Variants in AP2B1 observed in about 807,000 individuals in gnomAD.
AP2B1 encodes the protein adaptor related protein complex 2 subunit beta 1.
A neutral mutation model predicts 102.0 loss-of-function variants in AP2B1; 23 were observed. That is an observed-to-expected ratio of 0.23 (90% CI 0.16 to 0.32). The LOEUF (loss-of-function observed/expected upper bound fraction) is 0.32, where lower values mean the gene tolerates loss of function less well. Among genes scored for constraint, AP2B1 ranks in the 10% least tolerant of loss-of-function variants. The pLI is 1.00. For missense variants in AP2B1, 541 were observed against 1,157.4 expected, an observed-to-expected ratio of 0.47 and a Z score of 7.73; for synonymous variants, 381 against 421.2, an observed-to-expected ratio of 0.90 and a Z score of 1.17.
At position 35,724,643 on chromosome 17, in the gene AP2B1, C is replaced by T. The variant is rs933341954; in HGVS notation, c.*944C>T. The stretch of plus-strand genomic sequence containing the variant: ...ACAGAGTAATAACTTATCTAACCCT[C>T]TTTTCCTACAAAGGAGAAAGATAAA... On this transcript the variant is annotated 3_prime_UTR_variant, in exon 22 of 22. Transcript: ENST00000610402. 1.3e-5 allele frequency: 2 copies of T among 152,174 alleles called. No individual in the cohort carries two copies. Among genetic ancestry groups the T allele is most frequent in the Non-Finnish European group, 2.9e-5 (2 of 68,024 alleles). The allele number at this position is 152,174 out of a possible 1,614,324, so 9.4% of individuals were successfully genotyped here.
chr17:35,609,099 A>T (rs1357543484), intron 5 of AP2B1, among the ~76,000 whole-genome samples: 1 of 152,226 alleles, frequency 6.6e-6, no homozygotes, highest in Non-Finnish European at 1.5e-5. Flanking sequence ...TTTTGGTCTA[A>T]TGCAATGTTT....
At chr17:35,687,710 CT>C (rs2142996467) in intron 18 of AP2B1, among the ~76,000 whole-genome samples, 1 of 152,002 alleles carries the variant, frequency 6.6e-6, no homozygotes, top group Admixed American at 6.6e-5. Context: ...GTCACCACGC[CT>C]AGCTAATTTT....
chr17:35,642,945 G>A (rs2074823580), intron 12 of AP2B1, among the ~76,000 whole-genome samples: 1 of 151,626 alleles, frequency 6.6e-6, no homozygotes, highest in African/African-American at 2.4e-5. Flanking sequence ...ATTGAATTGA[G>A]CATTCTAATT....
chr17:35,702,474 AAGG>A (rs200564103), intron 18 of AP2B1, among the ~76,000 whole-genome samples: 1,597 of 152,320 alleles, frequency 0.01, 13 homozygotes, highest in Middle Eastern at 0.054. Flanking sequence ...TAGAGCTAGC[AAGG>A]AGGAGAGTAT....
At chr17:35,718,767 G>GTT (rs200713126) in intron 21 of AP2B1, among the ~76,000 whole-genome samples, 35 of 143,430 alleles carry the variant, frequency 2.4e-4, no homozygotes, top group African/African-American at 6.1e-4. Context: ...GGTGTGTGTG[G>GTT]TTTTTTTTTT....
intron 18 of AP2B1, among the ~76,000 whole-genome samples, chr17:35,693,030 G>A (rs71381467): frequency 0.073 from 11,040 of 151,688 alleles, 459 homozygotes; most frequent in Middle Eastern, 0.11. Context: ...GGGGAGGGGC[G>A]GTAAATTGGA....
intron 12 of AP2B1, among the ~76,000 whole-genome samples, chr17:35,645,770 A>AT (rs1598159109): frequency 2.6e-5 from 4 of 152,128 alleles, no homozygotes; most frequent in South Asian, 4.2e-4. Flanking sequence ...AATCACTTGA[A>AT]CCCGGGAGGC....
chr17:35,718,690 GA>G (rs1232680775), intron 21 of AP2B1, among the ~76,000 whole-genome samples: 1 of 150,170 alleles, frequency 6.7e-6, no homozygotes, highest in South Asian at 2.1e-4. Context: ...TCAATTGGAA[GA>G]AAAAAAGGGT....
chr17:35,643,187 A>C (rs962638758), intron 12 of AP2B1, among the ~76,000 whole-genome samples: 9 of 152,108 alleles, frequency 5.9e-5, no homozygotes, highest in Admixed American at 5.9e-4. Flanking sequence ...GCTAAAAAAA[A>C]AAAATCACAA....
chr17:35,687,622 A>G (rs1369084973), intron 18 of AP2B1, among the ~76,000 whole-genome samples: 1 of 152,066 alleles, frequency 6.6e-6, no homozygotes, highest in East Asian at 1.9e-4. Flanking sequence ...ATCATGGCTC[A>G]TTGCAGCCTC....
At chr17:35,707,077 CTT>C in intron 18 of AP2B1, among the ~76,000 whole-genome samples, 1 of 152,324 alleles carries the variant, frequency 6.6e-6, no homozygotes, top group East Asian at 1.9e-4. Flanking sequence ...AGAAAATACT[CTT>C]TCCCGGAAGC....
intron 4 of AP2B1, among the ~76,000 whole-genome samples, chr17:35,607,162 C>A (rs917292025): frequency 6.6e-6 from 1 of 152,158 alleles, no homozygotes; most frequent in Non-Finnish European, 1.5e-5. Context: ...ACCTTGGCCT[C>A]TCAAAGTGCT....
At chr17:35,626,941 T>C (rs2142571396) in intron 7 of AP2B1, 99 bp downstream of exon 7, 4 of 1,176,344 alleles carry the variant, frequency 3.4e-6, no homozygotes, top group Middle Eastern at 2.3e-4. Flanking sequence ...CTTTTTAATA[T>C]ATGGAAATGA....
chr17:35,688,920 C>T (rs949956125), intron 18 of AP2B1, among the ~76,000 whole-genome samples: 2 of 151,976 alleles, frequency 1.3e-5, no homozygotes, highest in East Asian at 1.9e-4. Flanking sequence ...GTTGAGATTA[C>T]GCCACTGCAC....
chr17:35,697,326 G>A (rs2076159946), intron 18 of AP2B1, among the ~76,000 whole-genome samples: 1 of 152,186 alleles, frequency 6.6e-6, no homozygotes, highest in Non-Finnish European at 1.5e-5. Context: ...TGTTAACTGT[G>A]CTCACATTTT....
intron 6 of AP2B1, among the ~76,000 whole-genome samples, chr17:35,625,824 G>A (rs1352434775): frequency 6.6e-6 from 1 of 152,030 alleles, no homozygotes; most frequent in African/African-American, 2.4e-5. Flanking sequence ...TGAGAAGGTG[G>A]CATTCATATA....
chr17:35,663,974 A>T (rs572286048), intron 14 of AP2B1, among the ~76,000 whole-genome samples: 1 of 152,126 alleles, frequency 6.6e-6, no homozygotes, highest in Non-Finnish European at 1.5e-5. Flanking sequence ...GGTCACTGCA[A>T]CCTTGAGCTC....
intron 18 of AP2B1, among the ~76,000 whole-genome samples, chr17:35,706,859 C>T (rs2076350616): frequency 6.6e-6 from 1 of 151,982 alleles, no homozygotes; most frequent in Non-Finnish European, 1.5e-5. Context: ...CACCATCTGG[C>T]CAGGCTGGTC....
intron 17 of AP2B1, among the ~76,000 whole-genome samples, chr17:35,676,713 G>A (rs2142980411): frequency 6.6e-6 from 1 of 152,294 alleles, no homozygotes. Context: ...TTGTCGCTGT[G>A]TAGTAGTGTC....
Sources: gnomAD v4.1 joint callset for allele counts (sites outside exome capture counted in the v4.1 genomes callset) on GRCh38, gnomAD v4.1.1 for gene constraint, MANE v1.5 for transcripts, NCBI Gene and HGNC (gene_info 2026-07-23, HGNC 2026-07-21) for gene names.